The following RALYL variants were observed in gnomAD, a reference collection of about 807,000 sequenced individuals.
The protein encoded by RALYL is RALY RNA binding protein like, also known as RNA-binding Raly-like protein.
Under a neutral mutation model 35.1 loss-of-function variants are expected in RALYL, and 29 were observed. The ratio of observed to expected loss-of-function variants is 0.83; its 90% confidence interval spans 0.61 to 1.13. The LOEUF (loss-of-function observed/expected upper bound fraction) is 1.13. RALYL is among the 50% of genes most tolerant of loss of function. The pLI is 0.00. For synonymous variants in RALYL, 120 were observed against 127.6 expected, an observed-to-expected ratio of 0.94 and a Z score of 0.40; for missense variants, 359 against 360.4, an observed-to-expected ratio of 1.00 and a Z score of 0.03.
chr8:84,370,465 AC>A (rs1167940888), intron 1 of RALYL, among the ~76,000 whole-genome samples: 6 of 151,580 alleles, frequency 4.0e-5, no homozygotes, highest in Admixed American at 6.6e-5. Context: ...CATATACACA[AC>A]CATACACACA....
chr8:84,394,526 T>C (rs118137462), intron 1 of RALYL, among the ~76,000 whole-genome samples: 3,590 of 152,116 alleles, frequency 0.024, 94 homozygotes, highest in Non-Finnish European at 0.03. Flanking sequence ...ATAAGGTGAT[T>C]TAGCAATAAT....
chr8:84,476,345 CTT>C (rs1431334385), intron 1 of RALYL, among the ~76,000 whole-genome samples: 1 of 152,130 alleles, frequency 6.6e-6, no homozygotes, highest in Non-Finnish European at 1.5e-5. Flanking sequence ...AGTCAAAACT[CTT>C]TTCAAGCTTC....
intron 1 of RALYL, among the ~76,000 whole-genome samples, chr8:84,514,798 T>G (rs2057927241): frequency 2.0e-5 from 3 of 152,074 alleles, no homozygotes; most frequent in African/African-American, 4.8e-5. Context: ...TGTATGTGGA[T>G]TGTTGCTTGT....
rs532089331 is a variant in RALYL at position 84,846,282 on chromosome 8, G to A, written c.366-3698G>A. Reference sequence around the variant, plus strand: ...TTCTTCCAATCCATGAACAAGGAGTGTTTTTCTATATTTTATGTTGTGATT... The same window carrying A: ...TTCTTCCAATCCATGAACAAGGAGTATTTTTCTATATTTTATGTTGTGATT... On this transcript the variant is annotated intron_variant, in intron 4 of 8. Coordinates refer to ENST00000521268, the MANE Select transcript of RALYL (RefSeq NM_173848.7). Among the ~76,000 whole-genome samples the A allele has an allele frequency of 3.9e-5, 6 of 152,188 alleles. No individual in the cohort carries two copies. In the East Asian group the frequency reaches 9.7e-4, roughly 25 times the overall value.
At chr8:84,530,957 T>C (rs1452942398) in intron 2 of RALYL, among the ~76,000 whole-genome samples, 1 of 152,188 alleles carries the variant, frequency 6.6e-6, no homozygotes, top group Non-Finnish European at 1.5e-5. Context: ...GCTAATTATT[T>C]GCTCCTTTCT....
At chr8:84,782,039 A>G (rs1173762681) in intron 3 of RALYL, among the ~76,000 whole-genome samples, 1 of 149,310 alleles carries the variant, frequency 6.7e-6, no homozygotes, top group African/African-American at 2.6e-5. Flanking sequence ...GCGCACACAC[A>G]CACACACACA....
intron 1 of RALYL, among the ~76,000 whole-genome samples, chr8:84,370,553 T>C (rs1855481494): frequency 6.6e-6 from 1 of 151,874 alleles, no homozygotes; most frequent in Admixed American, 6.6e-5. Flanking sequence ...TCAGTAAAAT[T>C]AGTATGTTAG....
chr8:84,751,314 T>C (rs551992658), intron 2 of RALYL, among the ~76,000 whole-genome samples: 1 of 152,030 alleles, frequency 6.6e-6, no homozygotes, highest in Admixed American at 6.6e-5. Context: ...TTCAAGCAGT[T>C]CTCCTGCCTC....
At chr8:84,354,022 C>A (rs1851392161) in intron 1 of RALYL, among the ~76,000 whole-genome samples, 1 of 147,950 alleles carries the variant, frequency 6.8e-6, no homozygotes, top group Non-Finnish European at 1.5e-5. Context: ...TTTTGTGTGT[C>A]TTTATTTGCA....
intron 1 of RALYL, among the ~76,000 whole-genome samples, chr8:84,423,486 A>G (rs372938385): frequency 1.8e-4 from 27 of 152,020 alleles, no homozygotes; most frequent in African/African-American, 3.6e-4. Flanking sequence ...ACACTGATGG[A>G]TCTTGACTCT....
chr8:84,626,218 G>A (rs1223655764), intron 2 of RALYL, among the ~76,000 whole-genome samples: 4 of 152,140 alleles, frequency 2.6e-5, no homozygotes, highest in Non-Finnish European at 5.9e-5. Context: ...CGGAAAATAC[G>A]TTTAAGTTGA....
chr8:84,336,424 A>G (rs1374694232), intron 1 of RALYL, among the ~76,000 whole-genome samples: 1 of 152,102 alleles, frequency 6.6e-6, no homozygotes, highest in Non-Finnish European at 1.5e-5. Context: ...TATTTAAAAA[A>G]TGATGTTTGG....
chr8:84,732,683 T>TATATATATATATATATACACACAC lies in RALYL; in HGVS notation c.257-41895_257-41894insTATATATATATATATACACACACA. Among the ~76,000 whole-genome samples, 65 of 133,228 alleles carry TATATATATATATATATACACACAC rather than the reference T, an allele frequency of 4.9e-4. 1 individual carries two copies. The highest frequency in any genetic ancestry group is 2.5e-3 in the South Asian group (11 of 4,468). 87.4% of individuals were successfully genotyped at this position (133,228 alleles called of 152,430 possible). A position where few individuals can be genotyped will look rare whatever the true frequency, so the allele number is the denominator to read the frequency against. ...TATTAAATAATTATATATATATATA[T>TATATATATATATATATACACACAC]ACACACACACACACATATATATAAT... is the stretch of plus-strand genomic sequence containing the variant. On this transcript the variant is annotated intron_variant, in intron 2 of 8. Transcript: ENST00000521268.
At position 84,241,838 on chromosome 8, in the gene RALYL, T is replaced by C. The variant is rs578001683; in HGVS notation, c.-24+57414T>C. On this transcript the variant is annotated intron_variant, in intron 1 of 8. Transcript: ENST00000521268. The stretch of plus-strand genomic sequence containing the variant: ...CTTACAAATATTAGTAACCACACTT[T>C]TTGTTTTTTTTCTTCAACTTTTCAG... Among the ~76,000 whole-genome samples the C allele has an allele frequency of 4.6e-5, 7 of 152,250 alleles. No individual in the cohort carries two copies. The East Asian group carries it at 1.2e-3, about 25-fold the overall frequency.
chr8:84,505,911 T>C (rs1393822160), intron 1 of RALYL, among the ~76,000 whole-genome samples: 1 of 152,162 alleles, frequency 6.6e-6, no homozygotes, highest in Non-Finnish European at 1.5e-5. Flanking sequence ...ATTTATTTTG[T>C]CATTTTTACT....
intron 7 of RALYL, among the ~76,000 whole-genome samples, chr8:84,883,784 AG>A (rs760999593): frequency 1.7e-4 from 26 of 152,192 alleles, no homozygotes; most frequent in Non-Finnish European, 3.4e-4. Context: ...CTTAATGATC[AG>A]TAGGGGCGAA....
At position 84,767,079 on chromosome 8, in the gene RALYL, G is replaced by A. The variant is rs764765410; in HGVS notation, c.257-7500G>A. 3.3e-5 allele frequency among the ~76,000 whole-genome samples: 5 copies of A among 152,224 alleles called. No homozygotes were observed. The South Asian group carries it at 8.3e-4, about 25-fold the overall frequency. ...GAAAGTATCTTCCCAAGAGTCAAAA[G>A]CATGAAATAATAGAAATCCATTGTG... On this transcript the variant is annotated intron_variant, in intron 2 of 8. Transcript: ENST00000521268.
chr8:84,515,142 C>T (rs2057956988), intron 1 of RALYL, among the ~76,000 whole-genome samples: 1 of 152,072 alleles, frequency 6.6e-6, no homozygotes, highest in South Asian at 2.1e-4. Flanking sequence ...TGTTTACGAC[C>T]CTAAGCAATA....
chr8:84,228,229 A>G (rs1824451704), intron 1 of RALYL, among the ~76,000 whole-genome samples: 1 of 151,100 alleles, frequency 6.6e-6, no homozygotes, highest in African/African-American at 2.4e-5. Flanking sequence ...AGTATGGGAG[A>G]TGAGGGTGGA....
Sources: allele counts gnomAD v4.1 joint callset (sites outside exome capture counted in the v4.1 genomes callset), GRCh38; gene constraint gnomAD v4.1.1; transcripts MANE v1.5; gene names NCBI Gene and HGNC (gene_info 2026-07-23, HGNC 2026-07-21).